Variants in MGLL observed in about 807,000 individuals in gnomAD.
MGLL encodes the protein monoglyceride lipase.
In MGLL, 7 loss-of-function variants were observed where a neutral mutation model predicts 29.1. The ratio of observed to expected loss-of-function variants is 0.24; its 90% confidence interval spans 0.14 to 0.45. The LOEUF (loss-of-function observed/expected upper bound fraction) is 0.45. Ranked by LOEUF, MGLL falls within the 20% of genes least tolerant of loss-of-function variation. The pLI, the probability that MGLL is intolerant of heterozygous loss-of-function variation, is 0.99. For missense variants in MGLL, 356 were observed against 413.6 expected (o/e 0.86, Z 1.21); for synonymous variants, 148 against 168.3 (o/e 0.88, Z 0.93).
intron 6 of MGLL, among the ~76,000 whole-genome samples, chr3:127,701,582 T>C (rs1307422846): frequency 6.6e-6 from 1 of 152,038 alleles, no homozygotes; most frequent in Non-Finnish European, 1.5e-5. Flanking sequence ...ATCCCTGCCC[T>C]CCCTTAACAC....
chr3:127,806,000 C>T (rs1019154001), intron 2 of MGLL, among the ~76,000 whole-genome samples: 1 of 152,256 alleles, frequency 6.6e-6, no homozygotes, highest in African/African-American at 2.4e-5. Flanking sequence ...TGAGGTTAAG[C>T]CATGGAGATC....
intron 3 of MGLL, among the ~76,000 whole-genome samples, chr3:127,744,281 A>C (rs1476151016): frequency 6.6e-6 from 1 of 152,258 alleles, no homozygotes; most frequent in Non-Finnish European, 1.5e-5. Context: ...AGGAAACAGA[A>C]TGACAAAAAG....
intron 6 of MGLL, among the ~76,000 whole-genome samples, chr3:127,705,609 T>C (rs2075584835): frequency 6.6e-6 from 1 of 151,620 alleles, no homozygotes; most frequent in Admixed American, 6.6e-5. Flanking sequence ...AAACCCCGTC[T>C]CTACTAAAAA....
At chr3:127,743,790 A>G (rs1934346214) in intron 3 of MGLL, among the ~76,000 whole-genome samples, 1 of 152,132 alleles carries the variant, frequency 6.6e-6, no homozygotes, top group South Asian at 2.1e-4. Context: ...GATGGCAAAA[A>G]GTCCAAGATC....
At chr3:127,695,607 G>C (rs1316137075) in intron 6 of MGLL, among the ~76,000 whole-genome samples, 2 of 152,278 alleles carry the variant, frequency 1.3e-5, no homozygotes, top group South Asian at 2.1e-4. Flanking sequence ...AGCTGGGCGT[G>C]GTGGTGGGCA....
intron 3 of MGLL, among the ~76,000 whole-genome samples, chr3:127,748,160 C>T (rs566763655): frequency 6.6e-6 from 1 of 152,212 alleles, no homozygotes. Context: ...CTGACTAACA[C>T]GGGCAGGGCT....
chr3:127,763,129 G>T (rs1257869956), intron 3 of MGLL, among the ~76,000 whole-genome samples: 1 of 152,212 alleles, frequency 6.6e-6, no homozygotes, highest in Non-Finnish European at 1.5e-5. Flanking sequence ...CAACCACCAT[G>T]CAAGGTCCTT....
intron 2 of MGLL, among the ~76,000 whole-genome samples, chr3:127,795,403 A>C (rs2077367474): frequency 7.0e-6 from 1 of 143,640 alleles, no homozygotes; most frequent in Non-Finnish European, 1.5e-5. Context: ...TAGAGGGGGA[A>C]GGGAGGGAGG....
At chr3:127,694,474 G>C (rs765865440) in intron 7 of MGLL, among the ~76,000 whole-genome samples, 2 of 151,816 alleles carry the variant, frequency 1.3e-5, no homozygotes, top group African/African-American at 4.8e-5. Context: ...AAGCCGCAGG[G>C]CCTGTCCTCA....
intron 3 of MGLL, among the ~76,000 whole-genome samples, chr3:127,737,738 G>A (rs533877267): frequency 1.5e-5 from 2 of 137,302 alleles, no homozygotes; most frequent in East Asian, 2.3e-4. Flanking sequence ...TCCACCTCCC[G>A]GGTTGAAGCA....
intron 2 of MGLL, among the ~76,000 whole-genome samples, chr3:127,801,328 G>C (rs1401641575): frequency 6.7e-6 from 1 of 148,182 alleles, no homozygotes; most frequent in African/African-American, 2.5e-5. Flanking sequence ...AAAGGAGTGG[G>C]GGTAACGGCC....
Position 127,821,723 on chromosome 3 carries a change from G to C in MGLL, c.126C>G (p.Cys42Trp). 1 of 1,614,150 alleles carries C rather than the reference G, an allele frequency of 6.2e-7. No homozygotes were observed. The highest frequency in any genetic ancestry group is 8.5e-7 in the Non-Finnish European group (1 of 1,180,008). The change falls in exon 2 of 8, where the codon TGC (cysteine) becomes TGG (tryptophan). Residue 42 changes from cysteine to tryptophan, a missense_variant. By Grantham distance (215) the Cys-to-Trp change is radical (BLOSUM62 -2). Transcript: ENST00000265052. Reference sequence around the variant, plus strand: ...GTGTGCCTGTGGGTTTCCAGTACCTGCAGAAGAGGTACTGTCCGTCTGCAT... The same window carrying C: ...GTGTGCCTGTGGGTTTCCAGTACCTCCAGAAGAGGTACTGTCCGTCTGCAT... ...LVNADGQYLF[C>W]RYWKPTGTPK...
chr3:127,776,335 G>A (rs1185158316), intron 3 of MGLL, among the ~76,000 whole-genome samples: 1 of 152,072 alleles, frequency 6.6e-6, no homozygotes, highest in Non-Finnish European at 1.5e-5. Flanking sequence ...CTGATGCCCA[G>A]GTGACACCAA....
intron 5 of MGLL, chr3:127,712,859 G>A (rs1256268280): frequency 1.3e-5 from 2 of 152,244 alleles, no homozygotes; most frequent in East Asian, 1.9e-4. Context: ...CAAGGACTGG[G>A]GTATTTTCAA....
chr3:127,716,213 A>G (rs1460795225), intron 5 of MGLL, among the ~76,000 whole-genome samples: 1 of 152,264 alleles, frequency 6.6e-6, no homozygotes, highest in Non-Finnish European at 1.5e-5. Flanking sequence ...TGGAGACGCG[A>G]AGCAGGCACA....
intron 3 of MGLL, among the ~76,000 whole-genome samples, chr3:127,757,274 T>C (rs769613060): frequency 6.6e-6 from 1 of 152,186 alleles, no homozygotes; most frequent in African/African-American, 2.4e-5. Flanking sequence ...GGAGAAAGCA[T>C]GAGTTGTTGT....
chr3:127,811,739 G>A (rs773319033), intron 2 of MGLL, among the ~76,000 whole-genome samples: 2 of 152,236 alleles, frequency 1.3e-5, no homozygotes, highest in Non-Finnish European at 1.5e-5. Flanking sequence ...AGGCCAGTCT[G>A]AGAAAGCATG....
chr3:127,710,476 G>A, intron 6 of MGLL, 100 bp downstream of exon 6: 1 of 1,109,266 alleles, frequency 9.0e-7, no homozygotes, highest in Non-Finnish European at 1.3e-6. Context: ...CAGGGCCTCG[G>A]TGAAAGGGCA....
At chr3:127,812,671 C>T (rs185708528) in intron 2 of MGLL, among the ~76,000 whole-genome samples, 43 of 152,262 alleles carry the variant, frequency 2.8e-4, no homozygotes, top group African/African-American at 1.0e-3. Context: ...GTCCCCAGAA[C>T]GATGGTGCAG....
Sources: gnomAD v4.1 joint callset for allele counts (sites outside exome capture counted in the v4.1 genomes callset) on GRCh38, gnomAD v4.1.1 for gene constraint, MANE v1.5 for transcripts, NCBI Gene and HGNC (gene_info 2026-07-23, HGNC 2026-07-21) for gene names.